The following RAP1GAP2 variants were observed in gnomAD, a reference collection of about 807,000 sequenced individuals.
The protein encoded by RAP1GAP2 is RAP1 GTPase activating protein 2, also known as rap1 GTPase-activating protein 2.
A neutral mutation model predicts 95.0 loss-of-function variants in RAP1GAP2; 27 were observed. The ratio of observed to expected loss-of-function variants is 0.28; its 90% confidence interval spans 0.21 to 0.39. RAP1GAP2 has a LOEUF of 0.39. Among genes scored for constraint, RAP1GAP2 ranks in the 10% least tolerant of loss-of-function variants. RAP1GAP2 has a pLI of 1.00. For missense variants in RAP1GAP2, 771 were observed against 970.0 expected (o/e 0.79, Z 2.72); for synonymous variants, 373 against 380.9 (o/e 0.98, Z 0.24).
Position 2,851,658 on chromosome 17 carries a change from A to G in RAP1GAP2, c.80+51108A>G, listed in dbSNP as rs115783428. 2.7e-3 allele frequency among the ~76,000 whole-genome samples: 408 copies of G among 152,312 alleles called. 1 individual carries two copies. Among genetic ancestry groups the G allele is most frequent in the African/African-American group, 9.3e-3 (386 of 41,564 alleles). On this transcript the variant is annotated intron_variant, in intron 2 of 24. Coordinates refer to ENST00000254695, the MANE Select transcript of RAP1GAP2 (RefSeq NM_015085.5). The stretch of plus-strand genomic sequence containing the variant: ...TGACACTGGGCTTGTAGAAGGACTT[A>G]GAGGGCTGGGAACCCCAGAATAAGA...
chr17:2,831,156 C>T (rs1160390712), intron 2 of RAP1GAP2, among the ~76,000 whole-genome samples: 5 of 140,732 alleles, frequency 3.6e-5, no homozygotes, highest in Admixed American at 7.4e-5. Flanking sequence ...CGGCTCACTG[C>T]AACCTCTGCC....
At chr17:2,772,862 T>TCC (rs1479653540), upstream of RAP1GAP2, among the ~76,000 whole-genome samples, 1 of 147,596 alleles carries the variant, frequency 6.8e-6, no homozygotes, top group African/African-American at 2.5e-5. Context: ...TTTCTTTTTT[T>TCC]TTTTTTTTTT....
intron 2 of RAP1GAP2, among the ~76,000 whole-genome samples, chr17:2,843,841 C>G (rs1261110095): frequency 6.6e-6 from 1 of 151,848 alleles, no homozygotes; most frequent in East Asian, 1.9e-4. Flanking sequence ...GATTGGCACA[C>G]TTAAGTCCTT....
intron 18 of RAP1GAP2, 120 bp downstream of exon 18, chr17:3,018,318 G>C (rs1049096169): frequency 8.8e-5 from 117 of 1,331,334 alleles, no homozygotes; most frequent in Non-Finnish European, 1.1e-4. Flanking sequence ...CAAGCTGGAT[G>C]ATGGTGGGAA....
rs3916735 is a variant in RAP1GAP2, at chr17:2,871,194, G to T, written c.81-34090G>T. Among the ~76,000 whole-genome samples, 15,437 of 152,216 alleles carry T rather than the reference G, an allele frequency of 0.1. 1,755 individuals are homozygous for T. Among genetic ancestry groups the T allele is most frequent in the East Asian group, 0.58 (3,006 of 5,146 alleles). On this transcript the variant is annotated intron_variant, in intron 2 of 24. Coordinates refer to ENST00000254695, the MANE Select transcript of RAP1GAP2 (RefSeq NM_015085.5). This position sits in a 1 kb window ranked among gnomAD's most constrained non-coding sequence, Gnocchi z 5.0. The stretch of plus-strand genomic sequence containing the variant: ...TGGTCTTGAACTCCTGACCTCAGGT[G>T]ATCCACCCACCTCGGCCTCCCACAG...
chr17:2,908,657 T>C (rs1484023887), intron 3 of RAP1GAP2, among the ~76,000 whole-genome samples: 1 of 151,996 alleles, frequency 6.6e-6, no homozygotes, highest in East Asian at 1.9e-4. Context: ...GGACAACCAT[T>C]CTCTGAGATA....
intron 1 of RAP1GAP2, among the ~76,000 whole-genome samples, chr17:2,768,012 G>A (rs1346251782): frequency 3.3e-5 from 5 of 152,108 alleles, no homozygotes; most frequent in African/African-American, 7.2e-5. Context: ...GATTACAGGC[G>A]TGAGCCACCG....
intron 2 of RAP1GAP2, among the ~76,000 whole-genome samples, chr17:2,876,233 G>A (rs1289588786): frequency 6.6e-6 from 1 of 152,046 alleles, no homozygotes; most frequent in Non-Finnish European, 1.5e-5. Context: ...CACCGCGCCT[G>A]GCTACATTGT....
intron 2 of RAP1GAP2, among the ~76,000 whole-genome samples, chr17:2,836,236 T>C (rs954484967): frequency 2.0e-5 from 3 of 151,806 alleles, no homozygotes; most frequent in Admixed American, 1.3e-4. Flanking sequence ...CTAACTAGGT[T>C]ACTAGTGACA....
intron 2 of RAP1GAP2, among the ~76,000 whole-genome samples, chr17:2,808,841 A>G (rs1189243313): frequency 1.3e-5 from 2 of 151,832 alleles, no homozygotes; most frequent in Non-Finnish European, 2.9e-5. Flanking sequence ...GCGTGTGTGC[A>G]CGCTCGCCCA....
chr17:2,864,001 G>A (rs550016252), intron 2 of RAP1GAP2, among the ~76,000 whole-genome samples: 66 of 152,064 alleles, frequency 4.3e-4, no homozygotes, highest in African/African-American at 1.5e-3. Flanking sequence ...GCAGTGAGCC[G>A]AGATCGCGCC....
At chr17:2,832,022 G>A (rs904128218) in intron 2 of RAP1GAP2, among the ~76,000 whole-genome samples, 8 of 151,434 alleles carry the variant, frequency 5.3e-5, no homozygotes, top group Non-Finnish European at 8.8e-5. Flanking sequence ...TGCCCAATAT[G>A]GCGAAACCCT....
intron 2 of RAP1GAP2, among the ~76,000 whole-genome samples, chr17:2,826,409 A>T (rs2070567319): frequency 6.6e-6 from 1 of 151,862 alleles, no homozygotes; most frequent in African/African-American, 2.4e-5. Context: ...GGATGGAGGG[A>T]CATGGCAGGA....
At chr17:2,869,499 G>A (rs576043767) in intron 2 of RAP1GAP2, among the ~76,000 whole-genome samples, 14 of 152,132 alleles carry the variant, frequency 9.2e-5, no homozygotes, top group South Asian at 2.1e-4. Context: ...TAGAAAAAGC[G>A]TTCCTCTGGT....
Position 2,918,683 on chromosome 17 carries a change from G to A in RAP1GAP2, c.165+13315G>A, listed in dbSNP as rs543980665. Reference sequence around the variant, plus strand: ...CTCATGATCTTGAGGACGGCACCAGGGAGGGGATGGTGGTAAAGCATTCAT... The same window carrying A: ...CTCATGATCTTGAGGACGGCACCAGAGAGGGGATGGTGGTAAAGCATTCAT... On this transcript the variant is annotated intron_variant, in intron 3 of 24. Transcript: ENST00000254695. 2.0e-5 allele frequency among the ~76,000 whole-genome samples: 3 copies of A among 152,090 alleles called. No homozygotes were observed. The South Asian group carries it at 6.2e-4, about 32-fold the overall frequency.
At position 2,964,038 on chromosome 17, in the gene RAP1GAP2, C is replaced by A. The variant is rs1340882540; in HGVS notation, c.462C>A (p.Ala154=). The change falls in exon 7 of 25, where the codon GCC becomes GCA. Residue 154 remains alanine, a synonymous_variant. Transcript: ENST00000254695. ...ACAAGCTCGAGTGCAAGGGTGAAGC[C>A]AGGGCCTACCGGAGGCACTTCCTGG... ...FGYKLECKGE[A]RAYRRHFLGK... is the part of the protein sequence containing the mutation. The A allele has an allele frequency of 6.2e-7, 1 of 1,611,022 alleles. No individual in the cohort carries two copies. The highest frequency in any genetic ancestry group is 8.5e-7 in the Non-Finnish European group (1 of 1,179,236).
chr17:2,878,498 G>A (rs1332324281), intron 2 of RAP1GAP2, among the ~76,000 whole-genome samples: 1 of 152,132 alleles, frequency 6.6e-6, no homozygotes, highest in Non-Finnish European at 1.5e-5. Flanking sequence ...TGACTCGAAA[G>A]GTGCATCACC....
intron 3 of RAP1GAP2, among the ~76,000 whole-genome samples, chr17:2,937,455 C>T (rs1016447064): frequency 2.0e-5 from 3 of 152,112 alleles, no homozygotes; most frequent in Admixed American, 6.5e-5. Flanking sequence ...GCTGCAGGAA[C>T]GGGCATGGCA....
intron 8 of RAP1GAP2, 84 bp from the exon 9 acceptor site, chr17:2,980,203 A>C: frequency 7.3e-7 from 1 of 1,371,140 alleles, no homozygotes; most frequent in Non-Finnish European, 1.0e-6. Flanking sequence ...TTGGCCTCCC[A>C]AAATGCTGAG....
Sources: gnomAD v4.1 joint callset for allele counts (sites outside exome capture counted in the v4.1 genomes callset) on GRCh38, gnomAD v4.1.1 for gene constraint, Gnocchi (gnomAD v3.1) non-coding constraint, MANE v1.5 for transcripts, NCBI Gene and HGNC (gene_info 2026-07-23, HGNC 2026-07-21) for gene names.